Variants in MPDZ observed in about 807,000 individuals in gnomAD.
The protein encoded by MPDZ is multiple PDZ domain protein.
A neutral mutation model predicts 239.1 loss-of-function variants in MPDZ; 234 were observed. That is an observed-to-expected ratio of 0.98 (90% CI 0.88 to 1.09). The LOEUF is 1.09. MPDZ is among the 50% of genes least tolerant of loss of function. The probability of loss-of-function intolerance (pLI) is 0.00; values close to 1 mark genes in which losing one functional copy is unlikely to be tolerated. For missense variants in MPDZ, 3,175 were observed against 2,510.0 expected (o/e 1.26, Z -5.66); for synonymous variants, 1,048 against 881.3 (o/e 1.19, Z -3.35).
intron 10 of MPDZ, among the ~76,000 whole-genome samples, chr9:13,216,174 G>T (rs936560511): frequency 6.6e-6 from 1 of 151,340 alleles, no homozygotes; most frequent in African/African-American, 2.4e-5. Flanking sequence ...GGGGAGTCCG[G>T]TATCAACTGA....
intron 10 of MPDZ, among the ~76,000 whole-genome samples, chr9:13,208,709 A>G (rs1057419692): frequency 6.6e-6 from 1 of 150,634 alleles, no homozygotes; most frequent in Non-Finnish European, 1.5e-5. Flanking sequence ...ATATGAATAT[A>G]TAGTGAGGAA....
At chr9:13,115,973 A>T (rs995659433) in intron 39 of MPDZ, among the ~76,000 whole-genome samples, 1 of 150,472 alleles carries the variant, frequency 6.6e-6, no homozygotes, top group African/African-American at 2.4e-5. Flanking sequence ...AAAAAAAAAA[A>T]GCGAACACAA....
chr9:13,236,247 G>GTATATA (rs1362734880), intron 3 of MPDZ, among the ~76,000 whole-genome samples: 5 of 17,120 alleles, frequency 2.9e-4, no homozygotes, highest in African/African-American at 4.9e-4. Context: ...GTGTGTGTGT[G>GTATATA]TGTATATATA....
At chr9:13,271,046 T>A (rs1184216931) in intron 1 of MPDZ, among the ~76,000 whole-genome samples, 1 of 152,166 alleles carries the variant, frequency 6.6e-6, no homozygotes, top group African/African-American at 2.4e-5. Flanking sequence ...AAACTCTTCA[T>A]ACGGTAGGAT....
At chr9:13,166,140 T>C (rs1556421) in intron 22 of MPDZ, among the ~76,000 whole-genome samples, 65,080 of 151,758 alleles carry the variant, frequency 0.43, 16,376 homozygotes, top group African/African-American at 0.7. Context: ...GAGAAAGAGA[T>C]GTGGATGGAG....
intron 26 of MPDZ, among the ~76,000 whole-genome samples, chr9:13,143,987 A>G (rs1168372423): frequency 2.6e-5 from 4 of 152,080 alleles, no homozygotes; most frequent in African/African-American, 9.7e-5. Context: ...TCTGTCTAGA[A>G]TGCAAATTAT....
At chr9:13,123,522 T>C (rs1234817682) in intron 35 of MPDZ, among the ~76,000 whole-genome samples, 2 of 152,090 alleles carry the variant, frequency 1.3e-5, no homozygotes, top group East Asian at 3.9e-4. Context: ...GGGCCAAAAA[T>C]TACCTATTTA....
At chr9:13,155,254 A>G (rs1949678277) in intron 24 of MPDZ, among the ~76,000 whole-genome samples, 1 of 152,134 alleles carries the variant, frequency 6.6e-6, no homozygotes, top group Admixed American at 6.6e-5. Flanking sequence ...GCAACCTTAA[A>G]AAGCAATTTG....
intron 35 of MPDZ, among the ~76,000 whole-genome samples, chr9:13,124,606 T>C (rs1944852259): frequency 6.6e-6 from 1 of 152,206 alleles, no homozygotes; most frequent in East Asian, 1.9e-4. Context: ...GGAAGTGTAA[T>C]GACACATTAA....
In MPDZ at chr9:13,122,150, T is replaced by C. The variant is rs777048770; in HGVS notation, c.4974A>G (p.Glu1658=). ...TACATGCTGCTCCTTCTTCATAAAC[T>C]TCATGGATAATAATGGCACCCTAAG... The part of the protein sequence containing the change: ...DTLLGAIIIH[E]VYEEGAACKD... Residue 1658 remains glutamate, a synonymous_variant, in exon 37 of 47, where the codon GAA becomes GAG. Coordinates refer to ENST00000319217, the MANE Select transcript of MPDZ (RefSeq NM_001378778.1). The C allele has an allele frequency of 6.2e-7, 1 of 1,614,006 alleles. No individual in the cohort carries two copies. Among genetic ancestry groups the C allele is most frequent in the Admixed American group, 1.7e-5 (1 of 60,020 alleles).
chr9:13,175,943 AC>A, intron 20 of MPDZ, 68 bp from the exon 21 acceptor site: 1 of 1,515,902 alleles, frequency 6.6e-7, no homozygotes, highest in Non-Finnish European at 8.8e-7. Flanking sequence ...CGTGATTTCA[AC>A]ATCACGCATG....
At chr9:13,188,215 T>G (rs1001973848) in intron 17 of MPDZ, among the ~76,000 whole-genome samples, 2 of 152,290 alleles carry the variant, frequency 1.3e-5, no homozygotes, top group East Asian at 3.9e-4. Flanking sequence ...CATGACCTTA[T>G]TATCAAATAT....
At chr9:13,259,129 T>C (rs2138590814) in intron 1 of MPDZ, among the ~76,000 whole-genome samples, 1 of 152,260 alleles carries the variant, frequency 6.6e-6, no homozygotes, top group Non-Finnish European at 1.5e-5. Context: ...AATAACAACA[T>C]ACAAAATCAT....
intron 1 of MPDZ, among the ~76,000 whole-genome samples, chr9:13,262,790 C>T (rs1888150): frequency 0.15 from 22,434 of 151,966 alleles, 1,875 homozygotes; most frequent in Non-Finnish European, 0.17. Context: ...AAAGAACAGA[C>T]TCAGAGTCCA....
chr9:13,134,184 T>C, intron 31 of MPDZ: 1 of 165,514 alleles, frequency 6.0e-6, no homozygotes, highest in African/African-American at 2.4e-5. Context: ...ATAGACCAAG[T>C]GGCTTGAAGA....
intron 4 of MPDZ, among the ~76,000 whole-genome samples, chr9:13,224,056 A>C (rs1269146131): frequency 6.6e-6 from 1 of 151,904 alleles, no homozygotes; most frequent in Non-Finnish European, 1.5e-5. Flanking sequence ...AAAGCCAATT[A>C]CTGCAGTAAC....
chr9:13,107,044 A>G lies in MPDZ; in HGVS notation c.6134T>C (p.Leu2045Pro). ...AGCTTCTTCATGGGTGACTCCTTCTAGACTCTGCCCATTGACAGCAATGAT... is the reference window on the plus strand; with the variant it reads ...AGCTTCTTCATGGGTGACTCCTTCTGGACTCTGCCCATTGACAGCAATGAT... ...DQIIAVNGQS[L>P]EGVTHEEAVA... is the part of the protein sequence containing the mutation. Residue 2045 changes from leucine to proline, a missense_variant, in exon 47 of 47, where the codon CTA becomes CCA. Leu to Pro is a moderately conservative substitution (Grantham distance 98, BLOSUM62 -3). Transcript: ENST00000319217. The G allele has an allele frequency of 6.2e-7, 1 of 1,611,696 alleles. No individual in the cohort carries two copies. The highest frequency in any genetic ancestry group is 1.3e-5 in the African/African-American group (1 of 75,044).
At chr9:13,216,273 C>G (rs530591991) in intron 10 of MPDZ, among the ~76,000 whole-genome samples, 1 of 150,326 alleles carries the variant, frequency 6.7e-6, no homozygotes, top group South Asian at 2.1e-4. Flanking sequence ...ACAATGATAG[C>G]TTGAACTAAT....
intron 3 of MPDZ, among the ~76,000 whole-genome samples, chr9:13,241,830 C>T (rs564871681): frequency 1.6e-4 from 25 of 152,296 alleles, no homozygotes; most frequent in African/African-American, 5.5e-4. Flanking sequence ...CGCAGTCGTA[C>T]AAATCTGTAT....
Sources: gnomAD v4.1 joint callset for allele counts (sites outside exome capture counted in the v4.1 genomes callset) on GRCh38, gnomAD v4.1.1 for gene constraint, MANE v1.5 for transcripts, NCBI Gene and HGNC (gene_info 2026-07-23, HGNC 2026-07-21) for gene names.